RABL6: variants seen among roughly 807,000 people sequenced by gnomAD.
RABL6 encodes RAB, member RAS oncogene family like 6.
A neutral mutation model predicts 72.9 loss-of-function variants in RABL6; 28 were observed. The ratio of observed to expected loss-of-function variants is 0.38; its 90% confidence interval spans 0.28 to 0.53. The LOEUF (loss-of-function observed/expected upper bound fraction) is 0.53, where lower values mean the gene tolerates loss of function less well. RABL6 is among the 20% of genes least tolerant of loss of function. The probability of loss-of-function intolerance (pLI) is 0.80; values close to 1 mark genes in which losing one functional copy is unlikely to be tolerated. For synonymous variants in RABL6, 477 were observed against 421.2 expected (o/e 1.13, Z -1.62); for missense variants, 1,029 against 1,008.4 (o/e 1.02, Z -0.28).
rs1848572709 is a variant in RABL6 at position 136,835,744 on chromosome 9, G to A, written c.708G>A (p.Arg236=). Residue 236 remains arginine (R), a splice_region_variant and synonymous_variant, in exon 8 of 15, where the codon AGG becomes AGA. Coordinates refer to ENST00000311502, the MANE Select transcript of RABL6 (RefSeq NM_024718.5). ...FFNIPFLQLQ[R]ETLLRQLETN... ...GCCTGCGTGCTCCCTTTCTGCAGAG[G>A]GAGACGCTGTTGCGGCAGCTGGAGA... 4 of 1,549,368 alleles carry A rather than the reference G, an allele frequency of 2.6e-6. No homozygotes were observed. The highest frequency in any genetic ancestry group is 2.6e-6 in the Non-Finnish European group (3 of 1,147,032).
intron 1 of RABL6, among the ~76,000 whole-genome samples, chr9:136,822,874 G>A (rs1848269816): frequency 6.6e-6 from 1 of 152,170 alleles, no homozygotes; most frequent in African/African-American, 2.4e-5. Flanking sequence ...GGATCACGAG[G>A]TCAGGAGATC....
At chr9:136,837,233 G>A in intron 8 of RABL6, 113 bp from the exon 9 acceptor site, 1 of 1,253,552 alleles carries the variant, frequency 8.0e-7, no homozygotes, top group South Asian at 1.3e-5. Flanking sequence ...GGGTGGCCCA[G>A]AACACAGTGG....
In RABL6 at chr9:136,838,901, C is replaced by T. The variant is rs1205655320; in HGVS notation, c.1281-8C>T. On this transcript the variant is annotated splice_region_variant and splice_polypyrimidine_tract_variant and intron_variant, in intron 10 of 14. Transcript: ENST00000311502. ...TGGCCCTTGACCGCTTTGCCCCCTG[C>T]TTTGCAGTGATGGGGAGGCCCTGGG... The T allele has an allele frequency of 6.4e-7, 1 of 1,572,960 alleles. No homozygotes were observed. Among genetic ancestry groups the T allele is most frequent in the South Asian group, 1.2e-5 (1 of 85,614 alleles).
intron 1 of RABL6, among the ~76,000 whole-genome samples, chr9:136,816,356 T>C (rs1457326281): frequency 6.6e-6 from 1 of 151,722 alleles, no homozygotes; most frequent in African/African-American, 2.4e-5. Context: ...CCATCTGCCT[T>C]GGCCTCCCAA....
At chr9:136,838,361 C>T (rs1228621691) in intron 10 of RABL6, among the ~76,000 whole-genome samples, 1 of 152,208 alleles carries the variant, frequency 6.6e-6, no homozygotes, top group Admixed American at 6.5e-5. Context: ...GGGCCAGGAT[C>T]CAGGTGCTGC....
At chr9:136,818,389 AAAAAAAAAAAAAAAAC>A (rs1476724172) in intron 1 of RABL6, among the ~76,000 whole-genome samples, 4,648 of 37,660 alleles carry the variant, frequency 0.12, 787 homozygotes, top group South Asian at 0.18. Context: ...AAAAAAAAAA[AAAAAAAAAAAAAAAAC>A]CAAAGGTAAG....
chr9:136,839,508 C>T (rs748121552), intron 12 of RABL6, 22 bp downstream of exon 12: 20 of 1,595,768 alleles, frequency 1.3e-5, no homozygotes, highest in Admixed American at 1.7e-5. Context: ...CCTCCCGGGG[C>T]AGAGGTCAGC....
chr9:136,837,185 C>T, intron 8 of RABL6, 161 bp from the exon 9 acceptor site: 1 of 847,736 alleles, frequency 1.2e-6, no homozygotes. Flanking sequence ...GGCACTGCTG[C>T]CCTTGGAAGT....
rs2131192729 is a variant in RABL6, at chr9:136,831,844, C to T, written c.582C>T (p.Phe194=). Reference sequence around the variant, plus strand: ...TCCTGCCGGACGACGTGCGTGACTTCATCGACAACCTGGACAGGTGGGTGC... The same window carrying T: ...TCCTGCCGGACGACGTGCGTGACTTTATCGACAACCTGGACAGGTGGGTGC... The part of the protein sequence containing the change: ...RVILPDDVRD[F]IDNLDRPPGS... The change falls in exon 6 of 15, where the codon TTC becomes TTT. Residue 194 remains phenylalanine (F), a synonymous_variant. Coordinates refer to ENST00000311502, the MANE Select transcript of RABL6 (RefSeq NM_024718.5). The T allele has an allele frequency of 1.2e-6, 2 of 1,612,050 alleles. No homozygotes were observed. Among genetic ancestry groups the T allele is most frequent in the Non-Finnish European group, 1.7e-6 (2 of 1,179,184 alleles).
chr9:136,821,674 G>A, intron 1 of RABL6: 1 of 994,600 alleles, frequency 1.0e-6, no homozygotes, highest in Non-Finnish European at 1.2e-6. Context: ...GCCGCGCTGG[G>A]GCCTGGCTCC....
In RABL6 at chr9:136,828,552, T is replaced by G. The variant is rs1848405658; in HGVS notation, c.366+6T>G. On this transcript the variant is annotated splice_donor_region_variant and intron_variant, in intron 4 of 14. Coordinates refer to ENST00000311502, the MANE Select transcript of RABL6 (RefSeq NM_024718.5). ...TGGAGAACGACCCCCAGGAGGTGAGTGCCAGGTACACAGTGGGTAGCAGTG... is the reference window on the plus strand; with the variant it reads ...TGGAGAACGACCCCCAGGAGGTGAGGGCCAGGTACACAGTGGGTAGCAGTG... 1 of 1,612,986 alleles carries G rather than the reference T, an allele frequency of 6.2e-7. No homozygotes were observed. Among genetic ancestry groups the G allele is most frequent in the African/African-American group, 1.3e-5 (1 of 74,992 alleles).
At chr9:136,836,951 G>A (rs377435963) in intron 8 of RABL6, 4 of 360,084 alleles carry the variant, frequency 1.1e-5, no homozygotes, top group South Asian at 2.2e-5. Flanking sequence ...TCGGCTCACC[G>A]CAAGCTCCGC....
At chr9:136,812,462 G>C (rs556800051) in intron 1 of RABL6, among the ~76,000 whole-genome samples, 1 of 152,274 alleles carries the variant, frequency 6.6e-6, no homozygotes, top group East Asian at 1.9e-4. Flanking sequence ...GGGAGGCTGA[G>C]GCAGGAGAAT....
At chr9:136,811,734 C>T (rs1425253697) in intron 1 of RABL6, among the ~76,000 whole-genome samples, 2 of 152,146 alleles carry the variant, frequency 1.3e-5, no homozygotes, top group African/African-American at 2.4e-5. Flanking sequence ...TCAAGCAGTC[C>T]GAACCCCTTG....
At position 136,826,003 on chromosome 9, in the gene RABL6, C is replaced by T. The variant is rs1848348036; in HGVS notation, c.313+177C>T. On this transcript the variant is annotated intron_variant, in intron 3 of 14. Transcript: ENST00000311502. This position sits in a 1 kb window ranked among gnomAD's most constrained non-coding sequence, Gnocchi z 4.9. ...TGGCGACCCCGCAGCGTGGCGCAGC[C>T]CCTCCTGTGGCACTGCATGCTTTGC... 1.3e-5 allele frequency among the ~76,000 whole-genome samples: 2 copies of T among 152,198 alleles called. No individual in the cohort carries two copies. Among genetic ancestry groups the T allele is most frequent in the East Asian group, 3.9e-4 (2 of 5,194 alleles).
intron 8 of RABL6, chr9:136,837,049 G>C: frequency 1.9e-6 from 1 of 515,870 alleles, no homozygotes; most frequent in South Asian, 2.0e-5. Flanking sequence ...AATTTTTTTT[G>C]TATTTTTAGT....
chr9:136,818,276 T>C (rs1338763534), intron 1 of RABL6, among the ~76,000 whole-genome samples: 4 of 141,164 alleles, frequency 2.8e-5, no homozygotes, highest in African/African-American at 5.4e-5. Context: ...GGCAGGAGAA[T>C]GGCGTGAACC....
rs530397101 is a variant in RABL6, at chr9:136,840,633, G to T, written c.*111G>T. ...CCGCTGCCCCGTGGCTGCCGTGTGCGCTTCTGAGCTGGAAGAGGCCGGGCA... is the reference window on the plus strand; with the variant it reads ...CCGCTGCCCCGTGGCTGCCGTGTGCTCTTCTGAGCTGGAAGAGGCCGGGCA... On this transcript the variant is annotated 3_prime_UTR_variant, in exon 15 of 15. Coordinates refer to ENST00000311502, the MANE Select transcript of RABL6 (RefSeq NM_024718.5). 6.5e-7 allele frequency: 1 copy of T among 1,549,556 alleles called. No individual in the cohort carries two copies. The highest frequency in any genetic ancestry group is 1.2e-5 in the South Asian group (1 of 84,024).
intron 1 of RABL6, among the ~76,000 whole-genome samples, chr9:136,818,808 T>C (rs1172078040): frequency 1.3e-5 from 2 of 151,744 alleles, no homozygotes; most frequent in Non-Finnish European, 2.9e-5. Context: ...TCATGATTTA[T>C]ATAGGGTATA....
Sources: allele counts gnomAD v4.1 joint callset (sites outside exome capture counted in the v4.1 genomes callset), GRCh38; gene constraint gnomAD v4.1.1; non-coding constraint Gnocchi (gnomAD v3.1); transcripts MANE v1.5; gene names NCBI Gene and HGNC (gene_info 2026-07-23, HGNC 2026-07-21).